The following CGREF1 variants were observed in gnomAD, a reference collection of about 807,000 sequenced individuals.
CGREF1 encodes cell growth regulator with EF-hand domain 1, also known as cell growth regulator with EF hand domain protein 1.
A neutral mutation model predicts 17.4 loss-of-function variants in CGREF1; 16 were observed. The ratio of observed to expected loss-of-function variants is 0.92; its 90% CI spans 0.62 to 1.40. The LOEUF is 1.40. Ranked by LOEUF, CGREF1 falls within the 40% of genes most tolerant of loss-of-function variation. The pLI is 0.00. For missense variants in CGREF1, 296 were observed against 376.4 expected, an observed-to-expected ratio of 0.79 and a Z score of 1.77; for synonymous variants, 142 against 154.6, an observed-to-expected ratio of 0.92 and a Z score of 0.61.
At position 27,107,704 on chromosome 2, in the gene CGREF1, G is replaced by T. The variant is rs565989141; in HGVS notation, c.-11-3327C>A. 7.5e-4 allele frequency among the ~76,000 whole-genome samples: 114 copies of T among 151,598 alleles called. 1 individual carries two copies. Among genetic ancestry groups the T allele is most frequent in the Middle Eastern group, 6.8e-3 (2 of 294 alleles). ...AGTCCCCGCACTTTAGGAGGCTGAG[G>T]CTGGTGGATCACGAGGTCAGGTGAT... On this transcript the variant is annotated intron_variant, in intron 1 of 5. Coordinates refer to ENST00000402394, the MANE Select transcript of CGREF1 (RefSeq NM_006569.6).
At chr2:27,104,475 T>G (rs1237302921) in intron 1 of CGREF1, 98 bp from the exon 2 acceptor site, 11 of 1,555,164 alleles carry the variant, frequency 7.1e-6, no homozygotes, top group Non-Finnish European at 8.7e-6. Flanking sequence ...TCTGCCTGCT[T>G]CTACCTGCAG....
chr2:27,107,233 C>CGTAT (rs1268241047), intron 1 of CGREF1, among the ~76,000 whole-genome samples: 1 of 144,212 alleles, frequency 6.9e-6, no homozygotes, highest in Non-Finnish European at 1.5e-5. Context: ...ACAGAATATA[C>CGTAT]AGCAGATACA....
chr2:27,101,334 A>G lies in CGREF1; in HGVS notation c.897T>C (p.Ser299=). The change falls in exon 6 of 6, where the codon TCT becomes TCC. Residue 299 remains serine, a synonymous_variant. Transcript: ENST00000402394. ...AKELPGETLE[S]KNTQNDFEVH... ...CCTCAAAGTCATTTTGGGTGTTCTT[A>G]GACTCCAGTGTTTCCCCTGGAAGTT... 1 of 1,605,802 alleles carries G rather than the reference A, an allele frequency of 6.2e-7. No homozygotes were observed. Among genetic ancestry groups the G allele is most frequent in the Non-Finnish European group, 8.5e-7 (1 of 1,175,354 alleles).
At chr2:27,118,799 G>A (rs1438721090) in intron 1 of CGREF1, 47 bp downstream of exon 1, 4 of 152,222 alleles carry the variant, frequency 2.6e-5, no homozygotes, top group East Asian at 1.9e-4. Context: ...GCTGGCTGAC[G>A]GCGATGGGCT....
At chr2:27,113,966 G>A (rs1176034751) in intron 1 of CGREF1, among the ~76,000 whole-genome samples, 3 of 146,398 alleles carry the variant, frequency 2.0e-5, no homozygotes, top group Non-Finnish European at 3.0e-5. Context: ...CAGCCTTCAC[G>A]TGTTCTTACA....
intron 1 of CGREF1, among the ~76,000 whole-genome samples, chr2:27,105,318 T>G (rs1267103496): frequency 2.0e-5 from 3 of 152,204 alleles, no homozygotes; most frequent in Non-Finnish European, 4.4e-5. Context: ...GGAAGGTTCA[T>G]AGCTTTCAGC....
chr2:27,100,161 G>A (rs911189057), downstream of CGREF1: 41 of 493,726 alleles, frequency 8.3e-5, 2 homozygotes, highest in South Asian at 4.3e-4. Context: ...GAGGACACTC[G>A]GTGCCCCACA....
chr2:27,100,261 A>G, downstream of CGREF1: 1 of 400,468 alleles, frequency 2.5e-6, no homozygotes, highest in South Asian at 2.0e-5. Context: ...CTGGGAGTCC[A>G]CACCGCTGAG....
At chr2:27,102,333 C>T in intron 4 of CGREF1, 27 bp downstream of exon 4, 1 of 1,613,068 alleles carries the variant, frequency 6.2e-7, no homozygotes, top group Non-Finnish European at 8.5e-7. Flanking sequence ...GCCTCCCGTC[C>T]CTGGCCCCAT....
At chr2:27,111,543 A>G (rs1277840718) in intron 1 of CGREF1, among the ~76,000 whole-genome samples, 1 of 152,176 alleles carries the variant, frequency 6.6e-6, no homozygotes, top group Non-Finnish European at 1.5e-5. Flanking sequence ...GGTCGATGGG[A>G]CAGGGCGCCG....
Position 27,101,200 on chromosome 2 carries a change from G to A in CGREF1, c.*74C>T, listed in dbSNP as rs559606850. On this transcript the variant is annotated 3_prime_UTR_variant, in exon 6 of 6. Transcript: ENST00000402394. ...GCACAGAGATGGTCCTTGTCCCAGC[G>A]TACATTTCCCCTGCCCACTTCAGGG... 4.1e-4 allele frequency: 620 copies of A among 1,507,302 alleles called. No homozygotes were observed. Among genetic ancestry groups the A allele is most frequent in the Non-Finnish European group, 5.2e-4 (589 of 1,131,434 alleles). 93.4% of individuals were successfully genotyped at this position (1,507,302 alleles called of 1,614,324 possible).
chr2:27,105,893 G>A (rs975888179), intron 1 of CGREF1, among the ~76,000 whole-genome samples: 1 of 152,176 alleles, frequency 6.6e-6, no homozygotes, highest in Non-Finnish European at 1.5e-5. Context: ...GATAAAGTGA[G>A]TATACATAAT....
chr2:27,117,166 C>T (rs1288252170), intron 1 of CGREF1, among the ~76,000 whole-genome samples: 1 of 152,080 alleles, frequency 6.6e-6, no homozygotes, highest in African/African-American at 2.4e-5. Flanking sequence ...CCACCTTGGC[C>T]TCCCAAAGTG....
downstream of CGREF1, chr2:27,099,774 A>G (rs757700349): frequency 1.2e-6 from 2 of 1,610,096 alleles, no homozygotes; most frequent in South Asian, 2.2e-5. Flanking sequence ...CTCCTCACAC[A>G]CCATGGAGAC....
intron 1 of CGREF1, 162 bp from the exon 2 acceptor site, chr2:27,104,539 C>T (rs754000877): frequency 2.3e-5 from 35 of 1,550,630 alleles, no homozygotes; most frequent in Non-Finnish European, 2.3e-5. Context: ...CAGCAGGGAT[C>T]CCATGGAACT....
At chr2:27,099,488 A>G (rs1181776303), downstream of CGREF1, 1 of 1,613,992 alleles carries the variant, frequency 6.2e-7, no homozygotes, top group Non-Finnish European at 8.5e-7. Context: ...AAATTGCTCC[A>G]CTCGGATGCT....
At chr2:27,116,637 T>A (rs1671574474) in intron 1 of CGREF1, among the ~76,000 whole-genome samples, 1 of 151,496 alleles carries the variant, frequency 6.6e-6, no homozygotes, top group African/African-American at 2.4e-5. Flanking sequence ...TGGCGCGATC[T>A]CAGCTCACCA....
In CGREF1 at chr2:27,116,923, C is replaced by CTCTCTCTCTCTCTCTT. The variant is rs1259106800; in HGVS notation, c.-12+1922_-12+1923insAAGAGAGAGAGAGAGA. Among the ~76,000 whole-genome samples the CTCTCTCTCTCTCTCTT allele has an allele frequency of 6.3e-3, 336 of 52,956 alleles. 7 individuals are homozygous for CTCTCTCTCTCTCTCTT. Among genetic ancestry groups the CTCTCTCTCTCTCTCTT allele is most frequent in the Middle Eastern group, 0.011 (1 of 90 alleles). 34.7% of individuals were successfully genotyped at this position (52,956 alleles called of 152,430 possible). On this transcript the variant is annotated intron_variant, in intron 1 of 5. Coordinates refer to ENST00000402394, the MANE Select transcript of CGREF1 (RefSeq NM_006569.6). ...TCTCTCTCTCTCTCTCTCTCTCTCT[C>CTCTCTCTCTCTCTCTT]TTTTTTTGAGACAGAGTCTCGCTCT...
chr2:27,101,727 C>T lies in CGREF1; in HGVS notation c.504G>A (p.Arg168=), dbSNP rs148513857. ...ATGGGCTTTTAGCTAATAGGGACTGCCTTCCAACAGCTTGTGGCTCCTGAG... is the reference window on the plus strand; with the variant it reads ...ATGGGCTTTTAGCTAATAGGGACTGTCTTCCAACAGCTTGTGGCTCCTGAG... The part of the protein sequence containing the change: ...PSPQEPQAVG[R]QSLLAKSPLR... Residue 168 remains arginine (R), a synonymous_variant, in exon 6 of 6, where the codon AGG becomes AGA. Coordinates refer to ENST00000402394, the MANE Select transcript of CGREF1 (RefSeq NM_006569.6). The T allele has an allele frequency of 6.2e-7, 1 of 1,614,230 alleles. No homozygotes were observed. Among genetic ancestry groups the T allele is most frequent in the South Asian group, 1.1e-5 (1 of 91,092 alleles).
Sources: gnomAD v4.1 joint callset for allele counts (sites outside exome capture counted in the v4.1 genomes callset) on GRCh38, gnomAD v4.1.1 for gene constraint, MANE v1.5 for transcripts, NCBI Gene and HGNC (gene_info 2026-07-23, HGNC 2026-07-21) for gene names.